Variants in MYO3A observed in about 807,000 individuals in gnomAD.
MYO3A encodes myosin-IIIa.
MYO3A carries 180 observed loss-of-function variants against 192.7 expected under a neutral mutation model. That is an observed-to-expected ratio of 0.93 (90% CI 0.83 to 1.06). The LOEUF (loss-of-function observed/expected upper bound fraction) is 1.06. Among genes scored for constraint, MYO3A ranks in the 50% least tolerant of loss-of-function variants. MYO3A has a pLI of 0.00. For synonymous variants in MYO3A, 628 were observed against 645.3 expected (o/e 0.97, Z 0.41); for missense variants, 1,896 against 1,905.0 (o/e 1.00, Z 0.09).
At chr10:26,074,153 G>C (rs1001527286) in intron 14 of MYO3A, among the ~76,000 whole-genome samples, 4 of 152,014 alleles carry the variant, frequency 2.6e-5, no homozygotes, top group African/African-American at 9.7e-5. Flanking sequence ...GTTATAATTA[G>C]TCATGTTAAA....
chr10:26,084,189 T>G (rs1228218009), intron 14 of MYO3A, among the ~76,000 whole-genome samples: 1 of 152,230 alleles, frequency 6.6e-6, no homozygotes, highest in Non-Finnish European at 1.5e-5. Context: ...TCTGCATCAG[T>G]TGAGATGATT....
At position 26,174,550 on chromosome 10, in the gene MYO3A, C is replaced by T; in HGVS notation, c.4286C>T (p.Ser1429Leu). Residue 1429 changes from serine (S) to leucine (L), a missense_variant, in exon 30 of 35, where the codon TCA becomes TTA. Ser to Leu is a moderately radical substitution (Grantham distance 145, BLOSUM62 -2). Coordinates refer to ENST00000642920, the MANE Select transcript of MYO3A (RefSeq NM_017433.5). Reference sequence around the variant, plus strand: ...GAAGCATGTGGTTTGGCAATTTTTTCAAAACAGGTATGTGAATAAATAAAT... The same window carrying T: ...GAAGCATGTGGTTTGGCAATTTTTTTAAAACAGGTATGTGAATAAATAAAT... ...EREACGLAIF[S>L]KQISKLSEEY... 1.9e-6 allele frequency: 3 copies of T among 1,613,054 alleles called. No individual in the cohort carries two copies. The highest frequency in any genetic ancestry group is 2.5e-6 in the Non-Finnish European group (3 of 1,179,472).
chr10:26,139,589 A>G lies in MYO3A; in HGVS notation c.2263-3859A>G, dbSNP rs146999264. ...TTATTATTAGAGTGCAGTTTCTTCA[A>G]GCTTTCAAAAATCCATCTATGGCCA... On this transcript the variant is annotated intron_variant, in intron 20 of 34. Coordinates refer to ENST00000642920, the MANE Select transcript of MYO3A (RefSeq NM_017433.5). 9.2e-5 allele frequency among the ~76,000 whole-genome samples: 14 copies of G among 152,312 alleles called. No individual in the cohort carries two copies. The East Asian group carries it at 2.7e-3, about 29-fold the overall frequency.
chr10:26,094,916 G>T (rs962055381), intron 15 of MYO3A, among the ~76,000 whole-genome samples: 2 of 152,140 alleles, frequency 1.3e-5, no homozygotes, highest in African/African-American at 4.8e-5. Flanking sequence ...ATATGGAAAA[G>T]AATTCAAAGG....
chr10:25,938,562 A>G (rs778518599), intron 2 of MYO3A, among the ~76,000 whole-genome samples: 14 of 152,240 alleles, frequency 9.2e-5, no homozygotes, highest in Non-Finnish European at 1.9e-4. Flanking sequence ...CATAGGCAGC[A>G]ACTTCTTTTG....
At chr10:26,030,801 A>ATTTGTTG (rs1842768820) in intron 10 of MYO3A, among the ~76,000 whole-genome samples, 1 of 152,226 alleles carries the variant, frequency 6.6e-6, no homozygotes, top group Admixed American at 6.5e-5. Flanking sequence ...ATACAAACTG[A>ATTTGTTG]ATATAAACTT....
chr10:26,024,029 C>A lies in MYO3A; in HGVS notation c.739C>A (p.Pro247Thr). ...TGATTCTTATTTTTCTAGGAATCCA[C>A]CCCCAAAACTAAGGCAGCCTGAGCT... The part of the protein sequence containing the change: ...RALFKIPRNP[P>T]PKLRQPELWS... The change falls in exon 9 of 35, where the codon CCC becomes ACC. Residue 247 changes from proline (P) to threonine (T), a missense_variant. Physicochemically the swap from Pro to Thr is conservative, Grantham distance 38. Transcript: ENST00000642920. The A allele has an allele frequency of 6.2e-7, 1 of 1,612,480 alleles. No individual in the cohort carries two copies. The highest frequency in any genetic ancestry group is 1.1e-5 in the South Asian group (1 of 91,040).
At chr10:26,132,197 G>A (rs80282905) in intron 20 of MYO3A, among the ~76,000 whole-genome samples, 301 of 152,172 alleles carry the variant, frequency 2.0e-3, no homozygotes, top group Non-Finnish European at 2.1e-3. Context: ...GTTTTCTTCC[G>A]TCGGAAAGGG....
At chr10:26,201,205 A>C in intron 32 of MYO3A, 60 bp from the exon 33 acceptor site, 1 of 862,316 alleles carries the variant, frequency 1.2e-6, no homozygotes, top group Non-Finnish European at 1.7e-6. Context: ...TTATAGTTAT[A>C]TATCCATTAT....
rs141053776 is a variant in MYO3A, at chr10:25,950,408, T to TA, written c.-17-1685dup. 2.0e-3 allele frequency among the ~76,000 whole-genome samples: 299 copies of TA among 152,310 alleles called. 2 individuals are homozygous for TA. The highest frequency in any genetic ancestry group is 6.8e-3 in the African/African-American group (283 of 41,576). Reference sequence around the variant, plus strand: ...GTAGAGAGACAAATTTGAGGAAAGATATCACTTTGAAATAGTAATTCCAGA... The same window carrying TA: ...GTAGAGAGACAAATTTGAGGAAAGATAATCACTTTGAAATAGTAATTCCAGA... On this transcript the variant is annotated intron_variant, in intron 2 of 34. Coordinates refer to ENST00000642920, the MANE Select transcript of MYO3A (RefSeq NM_017433.5).
At chr10:26,048,742 C>G (rs1430541053) in intron 10 of MYO3A, among the ~76,000 whole-genome samples, 1 of 152,148 alleles carries the variant, frequency 6.6e-6, no homozygotes, top group Non-Finnish European at 1.5e-5. Context: ...ATTTAAATAT[C>G]AAAGTAGAGT....
At chr10:26,059,755 AT>A (rs1471918290) in intron 10 of MYO3A, among the ~76,000 whole-genome samples, 6 of 152,208 alleles carry the variant, frequency 3.9e-5, no homozygotes, top group Non-Finnish European at 7.3e-5. Context: ...TACAACCTGG[AT>A]TTTTTTCCAC....
chr10:25,986,311 A>G (rs1839650759), intron 4 of MYO3A, among the ~76,000 whole-genome samples: 1 of 152,204 alleles, frequency 6.6e-6, no homozygotes, highest in African/African-American at 2.4e-5. Context: ...AGGGATGCCC[A>G]CTTTCACCAC....
chr10:26,130,819 G>A (rs189046471), intron 20 of MYO3A, among the ~76,000 whole-genome samples: 11 of 152,278 alleles, frequency 7.2e-5, no homozygotes, highest in African/African-American at 2.6e-4. Flanking sequence ...ACTCCCAGGT[G>A]AATGCTGAAA....
chr10:26,166,183 T>A lies in MYO3A; in HGVS notation c.3111+5T>A. 3 of 1,589,470 alleles carry A rather than the reference T, an allele frequency of 1.9e-6. No individual in the cohort carries two copies. The East Asian group carries it at 6.7e-5, about 35-fold the overall frequency. ...TGGGCTCTTGGAAAAACAAAAGTAATGTTTTCATGTAATTTTCAGGAAAAT... is the reference window on the plus strand; with the variant it reads ...TGGGCTCTTGGAAAAACAAAAGTAAAGTTTTCATGTAATTTTCAGGAAAAT... On this transcript the variant is annotated splice_donor_5th_base_variant and intron_variant, in intron 27 of 34. Transcript: ENST00000642920.
intron 2 of MYO3A, among the ~76,000 whole-genome samples, chr10:25,937,155 G>C (rs1836135726): frequency 1.3e-5 from 2 of 152,124 alleles, no homozygotes; most frequent in Non-Finnish European, 2.9e-5. Context: ...GGCTTCTCCT[G>C]AAAAAAATGG....
rs747578242 is a variant in MYO3A, at chr10:26,157,418, G to A, written c.2902G>A (p.Val968Ile). The A allele has an allele frequency of 1.2e-6, 2 of 1,614,130 alleles. No individual in the cohort carries two copies. Among genetic ancestry groups the A allele is most frequent in the East Asian group, 4.5e-5 (2 of 44,878 alleles). Reference protein sequence around the residue: ...RQARKYDKEKVLLQLRYTGIL... With the variant: ...RQARKYDKEKILLQLRYTGIL... Reference sequence around the variant, plus strand: ...GGCAAGAAAATATGACAAAGAGAAAGTTCTGCTACAGCTTCGGTACACAGG... The same window carrying A: ...GGCAAGAAAATATGACAAAGAGAAAATTCTGCTACAGCTTCGGTACACAGG... The change falls in exon 26 of 35, where the codon GTT becomes ATT. Residue 968 changes from valine (V) to isoleucine (I), a missense_variant. Coordinates refer to ENST00000642920, the MANE Select transcript of MYO3A (RefSeq NM_017433.5).
chr10:26,168,034 T>G (rs1174296643), intron 27 of MYO3A, among the ~76,000 whole-genome samples: 1 of 152,222 alleles, frequency 6.6e-6, no homozygotes, highest in Non-Finnish European at 1.5e-5. Context: ...GCCTTCTGGC[T>G]CCTCCCTTGC....
At chr10:25,965,417 G>C (rs1838197694) in intron 4 of MYO3A, among the ~76,000 whole-genome samples, 2 of 152,050 alleles carry the variant, frequency 1.3e-5, no homozygotes, top group Admixed American at 1.3e-4. Context: ...CAAGATTCAA[G>C]ACAAAGTCCT....
Sources: gnomAD v4.1 joint callset for allele counts (sites outside exome capture counted in the v4.1 genomes callset) on GRCh38, gnomAD v4.1.1 for gene constraint, MANE v1.5 for transcripts, NCBI Gene and HGNC (gene_info 2026-07-23, HGNC 2026-07-21) for gene names.